The following LRRC4B variants were observed in gnomAD, a reference collection of about 807,000 sequenced individuals.
LRRC4B encodes the protein leucine-rich repeat-containing protein 4B.
LRRC4B carries 1 observed loss-of-function variant against 7.3 expected under a neutral mutation model. That is an observed-to-expected ratio of 0.14 (90% CI 0.05 to 0.65). LRRC4B has a LOEUF of 0.65. Among genes scored for constraint, LRRC4B ranks in the 30% least tolerant of loss-of-function variants. LRRC4B has a pLI of 0.84. For synonymous variants in LRRC4B, 500 were observed against 499.2 expected, an observed-to-expected ratio of 1.00 and a Z score of -0.02; for missense variants, 730 against 1,041.6, an observed-to-expected ratio of 0.70 and a Z score of 4.12.
At chr19:50,552,622 ATCCATTCATCCATCCGCCCATCCG>A (rs1276034747) in intron 1 of LRRC4B, among the ~76,000 whole-genome samples, 1 of 82,336 alleles carries the variant, frequency 1.2e-5, no homozygotes, top group African/African-American at 5.4e-5. Context: ...CCATCCATCC[ATCCATTCATCCATCCGCCCATCCG>A]TCCATCCATC....
chr19:50,559,632 G>A (rs888973769), intron 1 of LRRC4B, among the ~76,000 whole-genome samples: 1 of 152,254 alleles, frequency 6.6e-6, no homozygotes, highest in Non-Finnish European at 1.5e-5. Context: ...CAGGTTGGGA[G>A]GGGCGTGGCC....
rs1056818606 is a variant in LRRC4B at position 50,568,343 on chromosome 19, C to T, written c.-435G>A. Among the ~76,000 whole-genome samples the T allele has an allele frequency of 4.8e-5, 7 of 147,310 alleles. No individual in the cohort carries two copies. The highest frequency in any genetic ancestry group is 1.7e-4 in the African/African-American group (7 of 40,394). ...GCCGCTCTCCCCCCACCCCACCCCC[C>T]CCCAGGCCCCGGCCCCGGCCCCGGC... On this transcript the variant is annotated 5_prime_UTR_variant, in exon 1 of 3. Coordinates refer to ENST00000652263, the MANE Select transcript of LRRC4B (RefSeq NM_001080457.2).
intron 2 of LRRC4B, among the ~76,000 whole-genome samples, chr19:50,528,308 C>T (rs144250674): frequency 7.9e-4 from 120 of 151,878 alleles, no homozygotes; most frequent in African/African-American, 2.2e-3. Flanking sequence ...CCCAAAGTGC[C>T]GGGATTACAG....
intron 2 of LRRC4B, among the ~76,000 whole-genome samples, chr19:50,522,814 C>G (rs918759302): frequency 2.6e-5 from 4 of 152,342 alleles, no homozygotes; most frequent in Middle Eastern, 3.4e-3. Context: ...CCACTCGTGA[C>G]TATCCAAACA....
rs1191687725 is a variant in LRRC4B, at chr19:50,538,840, A to G, written c.297+9702T>C. Among the ~76,000 whole-genome samples, 6 of 150,696 alleles carry G rather than the reference A, an allele frequency of 4.0e-5. No individual in the cohort carries two copies. The East Asian group carries it at 1.2e-3, about 30-fold the overall frequency. ...TGCCTTGGCCTCCCAAAGTGCTGGG[A>G]TTACAGGTGTGAGCCACCGTGCTGG... is the stretch of plus-strand genomic sequence containing the variant. On this transcript the variant is annotated intron_variant, in intron 2 of 2. Transcript: ENST00000652263.
intron 2 of LRRC4B, among the ~76,000 whole-genome samples, chr19:50,544,914 C>T (rs1304155663): frequency 6.6e-6 from 1 of 151,950 alleles, no homozygotes. Flanking sequence ...AAATCGAGAC[C>T]ATCCTGGCTA....
intron 1 of LRRC4B, among the ~76,000 whole-genome samples, chr19:50,560,671 T>C (rs1225110858): frequency 6.6e-6 from 1 of 152,244 alleles, no homozygotes; most frequent in Non-Finnish European, 1.5e-5. Context: ...TTTCTCCCTG[T>C]GTCCCCCGCC....
chr19:50,562,232 G>A (rs1599788240), intron 1 of LRRC4B, among the ~76,000 whole-genome samples: 1 of 151,940 alleles, frequency 6.6e-6, no homozygotes, highest in Non-Finnish European at 1.5e-5. Flanking sequence ...GGAGGGAGGC[G>A]ACCTGCAGGG....
intron 2 of LRRC4B, among the ~76,000 whole-genome samples, chr19:50,525,587 T>A (rs888858844): frequency 1.3e-5 from 2 of 151,162 alleles, no homozygotes; most frequent in Non-Finnish European, 3.0e-5. Context: ...TGTATTTTTT[T>A]TTTTTTTTTT....
intron 2 of LRRC4B, among the ~76,000 whole-genome samples, chr19:50,546,192 G>A (rs1981796848): frequency 6.6e-6 from 1 of 151,974 alleles, no homozygotes; most frequent in Non-Finnish European, 1.5e-5. Flanking sequence ...AAAATTTGCT[G>A]AGCGTGGCAG....
rs763831278 is a variant in LRRC4B, at chr19:50,548,500, T to G, written c.297+42A>C. On this transcript the variant is annotated intron_variant, in intron 2 of 2. Transcript: ENST00000652263. The surrounding 1 kb of genome is among the most constrained non-coding windows in gnomAD (Gnocchi z 6.8). ...GGGCTACATCTGCATGCCTCCCCAG[T>G]GTCCCCTCCAAGGTCCCCCTCTGCC... 6.4e-6 allele frequency: 10 copies of G among 1,557,310 alleles called. No homozygotes were observed. The Admixed American group carries it at 1.7e-4, about 26-fold the overall frequency.
rs980389970 is a variant in LRRC4B, at chr19:50,555,457, G to A, written c.-35-6584C>T. On this transcript the variant is annotated intron_variant, in intron 1 of 2. Coordinates refer to ENST00000652263, the MANE Select transcript of LRRC4B (RefSeq NM_001080457.2). The surrounding 1 kb of genome is among the most constrained non-coding windows in gnomAD (Gnocchi z 5.2). The stretch of plus-strand genomic sequence containing the variant: ...GACCCCAAAGAGGAGAAGTACGAGG[G>A]GCAGAGAGTGGCAGAGTCACAGGGA... 6.5e-6 allele frequency: 1 copy of A among 153,182 alleles called. No individual in the cohort carries two copies. The highest frequency in any genetic ancestry group is 1.5e-5 in the Non-Finnish European group (1 of 68,844). The allele number at this position is 153,182 out of a possible 1,614,324, so 9.5% of individuals were successfully genotyped here. A position where few individuals can be genotyped will look rare whatever the true frequency, so the allele number is the denominator to read the frequency against.
Position 50,518,379 on chromosome 19 carries a change from G to A in LRRC4B, c.1334C>T (p.Thr445Ile). 1.3e-6 allele frequency: 2 copies of A among 1,592,304 alleles called. No individual in the cohort carries two copies. The highest frequency in any genetic ancestry group is 1.7e-6 in the Non-Finnish European group (2 of 1,171,588). ...TCMVTNSAGNTTASATLNVSA... is the reference protein window; with the variant it reads ...TCMVTNSAGNITASATLNVSA... ...GACGTTGAGCGTGGCCGAGGCGGTGGTGTTGCCGGCTGAGTTCGTCACCAT... is the reference window on the plus strand; with the variant it reads ...GACGTTGAGCGTGGCCGAGGCGGTGATGTTGCCGGCTGAGTTCGTCACCAT... The change falls in exon 3 of 3, where the codon ACC becomes ATC. Residue 445 changes from threonine to isoleucine, a missense_variant. This residue lies in a region of LRRC4B where 192 missense variants were observed against 228.6 expected (regional missense o/e 0.84). Transcript: ENST00000652263.
intron 1 of LRRC4B, among the ~76,000 whole-genome samples, chr19:50,567,268 G>A (rs1425175121): frequency 6.6e-6 from 1 of 151,774 alleles, no homozygotes; most frequent in Non-Finnish European, 1.5e-5. Flanking sequence ...CGGGGGTCTT[G>A]GAGAGACGGA....
chr19:50,542,935 C>T (rs1981614553), intron 2 of LRRC4B, among the ~76,000 whole-genome samples: 1 of 152,084 alleles, frequency 6.6e-6, no homozygotes, highest in African/African-American at 2.4e-5. Context: ...ACTTAGAGTC[C>T]CCCAAAGTCC....
chr19:50,524,866 C>T (rs920158117), intron 2 of LRRC4B, among the ~76,000 whole-genome samples: 2 of 152,178 alleles, frequency 1.3e-5, no homozygotes, highest in African/African-American at 2.4e-5. Flanking sequence ...TGAGATGCTG[C>T]GGGTTTACTC....
rs558404112 is a variant in LRRC4B at position 50,546,013 on chromosome 19, C to T, written c.297+2529G>A. Among the ~76,000 whole-genome samples, 7 of 151,758 alleles carry T rather than the reference C, an allele frequency of 4.6e-5. No homozygotes were observed. The South Asian group carries it at 8.3e-4, about 18-fold the overall frequency. On this transcript the variant is annotated intron_variant, in intron 2 of 2. Transcript: ENST00000652263. ...TGCTGGGATTACAGGCATGAGTCAC[C>T]GCGCCAGGCTAAAAGTTATTACTTT...
chr19:50,562,744 T>TC (rs202027490), intron 1 of LRRC4B, among the ~76,000 whole-genome samples: 2,724 of 148,680 alleles, frequency 0.018, 83 homozygotes, highest in African/African-American at 0.064. Flanking sequence ...TTTTTTTTGT[T>TC]TTTTTTTTTT....
intron 2 of LRRC4B, among the ~76,000 whole-genome samples, chr19:50,544,377 G>T (rs1329539468): frequency 4.0e-5 from 6 of 149,688 alleles, no homozygotes; most frequent in African/African-American, 1.5e-4. Context: ...TGTGGTGGCG[G>T]GCACCTGTAG....
Sources: gnomAD v4.1 joint callset for allele counts (sites outside exome capture counted in the v4.1 genomes callset) on GRCh38, gnomAD v4.1.1 for gene constraint, gnomAD v4.1.1 regional missense constraint, Gnocchi (gnomAD v3.1) non-coding constraint, MANE v1.5 for transcripts, NCBI Gene and HGNC (gene_info 2026-07-23, HGNC 2026-07-21) for gene names.